TMEFF2: variants seen among roughly 807,000 people sequenced by gnomAD.
TMEFF2 encodes the protein tomoregulin-2.
Under a neutral mutation model 53.8 loss-of-function variants are expected in TMEFF2, and 28 were observed. The ratio of observed to expected loss-of-function variants is 0.52; its 90% CI spans 0.39 to 0.71. The LOEUF (loss-of-function observed/expected upper bound fraction) is 0.71, where lower values mean the gene tolerates loss of function less well. Ranked by LOEUF, TMEFF2 falls within the 30% of genes least tolerant of loss-of-function variation. TMEFF2 has a pLI of 0.00. For synonymous variants in TMEFF2, 162 were observed against 166.3 expected (o/e 0.97, Z 0.20); for missense variants, 353 against 455.2 (o/e 0.78, Z 2.04).
chr2:192,143,788 A>G (rs767355593), intron 4 of TMEFF2, among the ~76,000 whole-genome samples: 8 of 152,132 alleles, frequency 5.3e-5, no homozygotes, highest in Non-Finnish European at 1.2e-4. Flanking sequence ...CCCTGCATTT[A>G]CCAAGTGGTT....
At chr2:191,977,622 A>AT (rs564765159) in intron 7 of TMEFF2, among the ~76,000 whole-genome samples, 1 of 152,188 alleles carries the variant, frequency 6.6e-6, no homozygotes, top group Non-Finnish European at 1.5e-5. Context: ...TTAGAAATGG[A>AT]TTTTTTGTCT....
chr2:191,979,438 A>G (rs1366971612), intron 7 of TMEFF2, among the ~76,000 whole-genome samples: 3 of 152,214 alleles, frequency 2.0e-5, no homozygotes, highest in Admixed American at 6.5e-5. Context: ...CTGGAGTGCC[A>G]CAACTGTATT....
chr2:192,116,293 TG>T (rs1689403047), intron 4 of TMEFF2, among the ~76,000 whole-genome samples: 2 of 151,962 alleles, frequency 1.3e-5, no homozygotes, highest in Admixed American at 6.6e-5. Flanking sequence ...TCATGGAAAC[TG>T]AGAGCAGAGT....
intron 7 of TMEFF2, among the ~76,000 whole-genome samples, chr2:191,989,593 G>C (rs1686055463): frequency 6.6e-6 from 1 of 152,114 alleles, no homozygotes; most frequent in African/African-American, 2.4e-5. Flanking sequence ...AATTGTCTGT[G>C]AACATTAACA....
At chr2:192,072,785 AT>A (rs986005032) in intron 4 of TMEFF2, among the ~76,000 whole-genome samples, 45 of 152,050 alleles carry the variant, frequency 3.0e-4, no homozygotes, top group Admixed American at 1.8e-3. Context: ...GCATTTTTAA[AT>A]GGGAGAGAAG....
At chr2:192,179,361 G>A (rs1691129297) in intron 4 of TMEFF2, 1 of 308,406 alleles carries the variant, frequency 3.2e-6, no homozygotes, top group African/African-American at 2.2e-5. Flanking sequence ...TGCCAAATAT[G>A]CTTACATGCT....
In TMEFF2 at chr2:192,146,455, T is replaced by C. The variant is rs367764082; in HGVS notation, c.439+33213A>G. Among the ~76,000 whole-genome samples the C allele has an allele frequency of 1.1e-4, 16 of 152,160 alleles. No homozygotes were observed. The East Asian group carries it at 2.7e-3, about 26-fold the overall frequency. On this transcript the variant is annotated intron_variant, in intron 4 of 9. Coordinates refer to ENST00000272771, the MANE Select transcript of TMEFF2 (RefSeq NM_016192.4). ...TCACATTGGCTTTAAGTGATAATTA[T>C]TTTAGATTTTTAGAGTCTAATGACA...
At position 192,191,837 on chromosome 2, in the gene TMEFF2, G is replaced by A. The variant is rs753675944; in HGVS notation, c.282+43C>T. Reference sequence around the variant, plus strand: ...TGTAAAGGAAGATTCCTGCTTTGCAGTCTCATTAATGAATTAGAAGATGCA... The same window carrying A: ...TGTAAAGGAAGATTCCTGCTTTGCAATCTCATTAATGAATTAGAAGATGCA... On this transcript the variant is annotated intron_variant, in intron 2 of 9. Transcript: ENST00000272771. The A allele has an allele frequency of 5.2e-6, 7 of 1,339,152 alleles. No individual in the cohort carries two copies. In the Admixed American group the frequency reaches 1.0e-4, roughly 20 times the overall value. 83.0% of individuals were successfully genotyped at this position (1,339,152 alleles called of 1,614,324 possible). A position where few individuals can be genotyped will look rare whatever the true frequency, so the allele number is the denominator to read the frequency against.
At chr2:192,091,132 T>C (rs532517446) in intron 4 of TMEFF2, among the ~76,000 whole-genome samples, 44 of 152,284 alleles carry the variant, frequency 2.9e-4, no homozygotes, top group African/African-American at 9.9e-4. Flanking sequence ...TAGTATCACG[T>C]CTGCTGCCAG....
At chr2:191,973,518 T>G (rs965400741) in intron 7 of TMEFF2, among the ~76,000 whole-genome samples, 6 of 152,082 alleles carry the variant, frequency 3.9e-5, no homozygotes, top group Non-Finnish European at 8.8e-5. Context: ...TAGATACGGT[T>G]TTTTCTTTGA....
chr2:192,056,946 G>A (rs1444987028), intron 5 of TMEFF2, among the ~76,000 whole-genome samples: 1 of 152,182 alleles, frequency 6.6e-6, no homozygotes, highest in Non-Finnish European at 1.5e-5. Context: ...TCATAATGGT[G>A]AGGAATAAAT....
chr2:192,053,047 C>T (rs1687810573), intron 5 of TMEFF2, among the ~76,000 whole-genome samples: 1 of 152,056 alleles, frequency 6.6e-6, no homozygotes, highest in Non-Finnish European at 1.5e-5. Context: ...TGATGTTCTC[C>T]ATGTAAGGAA....
rs1252199448 is a variant in TMEFF2, at chr2:192,059,957, T to C, written c.440-2182A>G. Among the ~76,000 whole-genome samples, 3 of 152,120 alleles carry C rather than the reference T, an allele frequency of 2.0e-5. No individual in the cohort carries two copies. In the East Asian group the frequency reaches 5.8e-4, roughly 29 times the overall value. On this transcript the variant is annotated intron_variant, in intron 4 of 9. Transcript: ENST00000272771. ...CTTTGTATAACAGTAAACAAACAAA[T>C]GACTTAATCGGTGCACAACTTTCAT...
At chr2:192,048,443 A>T in intron 5 of TMEFF2, among the ~76,000 whole-genome samples, 1 of 151,630 alleles carries the variant, frequency 6.6e-6, no homozygotes, top group East Asian at 1.9e-4. Context: ...GAGAGGGATG[A>T]CATTTTCCTA....
intron 3 of TMEFF2, 113 bp downstream of exon 3, chr2:192,184,241 T>G: frequency 7.6e-7 from 1 of 1,307,728 alleles, no homozygotes; most frequent in Non-Finnish European, 1.1e-6. Context: ...CAATACGGCT[T>G]GTCTAGTCAA....
At chr2:192,178,100 GGT>G (rs1691095153) in intron 4 of TMEFF2, 1 of 150,980 alleles carries the variant, frequency 6.6e-6, no homozygotes, top group Non-Finnish European at 1.5e-5. Flanking sequence ...TAACAAGACT[GGT>G]GGGTAAACAG....
intron 4 of TMEFF2, among the ~76,000 whole-genome samples, chr2:192,150,248 C>T (rs1437946166): frequency 6.6e-6 from 1 of 151,832 alleles, no homozygotes; most frequent in African/African-American, 2.4e-5. Flanking sequence ...TAGTGACACA[C>T]AAGAATTGTT....
chr2:191,982,397 G>A (rs1257521056), intron 7 of TMEFF2, among the ~76,000 whole-genome samples: 6 of 151,424 alleles, frequency 4.0e-5, no homozygotes, highest in Admixed American at 4.0e-4. Flanking sequence ...AGAACCAAGG[G>A]TGCATTAAAT....
At chr2:192,032,342 C>T (rs763586826) in intron 5 of TMEFF2, 24 of 152,204 alleles carry the variant, frequency 1.6e-4, no homozygotes, top group Non-Finnish European at 2.9e-4. Flanking sequence ...AAGATAAGGA[C>T]CCTTTTGGCT....
Sources: gnomAD v4.1 joint callset for allele counts (sites outside exome capture counted in the v4.1 genomes callset) on GRCh38, gnomAD v4.1.1 for gene constraint, MANE v1.5 for transcripts, NCBI Gene and HGNC (gene_info 2026-07-23, HGNC 2026-07-21) for gene names.